The following DPH6 variants were observed in gnomAD, a reference collection of about 807,000 sequenced individuals.
The protein encoded by DPH6 is diphthamine biosynthesis 6.
A neutral mutation model predicts 38.2 loss-of-function variants in DPH6; 33 were observed. The ratio of observed to expected loss-of-function variants is 0.86; its 90% CI spans 0.65 to 1.15. The LOEUF (loss-of-function observed/expected upper bound fraction) is 1.15. Among genes scored for constraint, DPH6 ranks in the 50% most tolerant of loss-of-function variants. The probability of loss-of-function intolerance (pLI) is 0.00; values close to 1 mark genes in which losing one functional copy is unlikely to be tolerated. For missense variants in DPH6, 325 were observed against 320.0 expected, an observed-to-expected ratio of 1.02 and a Z score of -0.12; for synonymous variants, 108 against 103.0, an observed-to-expected ratio of 1.05 and a Z score of -0.30.
chr15:35,419,056 A>AACACACAC (rs1322020569), intron 5 of DPH6, among the ~76,000 whole-genome samples: 50 of 111,304 alleles, frequency 4.5e-4, no homozygotes, highest in African/African-American at 2.0e-3. Flanking sequence ...TTCAAACTAA[A>AACACACAC]ACACACACAC....
rs1288202668 is a variant in DPH6, at chr15:35,240,422, C to G, written n.201-19840G>C. 2.1e-5 allele frequency among the ~76,000 whole-genome samples: 3 copies of G among 142,272 alleles called. 1 individual carries two copies. The highest frequency in any genetic ancestry group is 1.5e-5 in the Non-Finnish European group (1 of 65,134). The allele number at this position is 142,272 out of a possible 152,430, so 93.3% of individuals were successfully genotyped here. A position where few individuals can be genotyped will look rare whatever the true frequency, so the allele number is the denominator to read the frequency against. ...GCATCACTGAGTCTTTCTAATCTTC[C>G]TTTTCTACAGACCCATCTGATCTCT... is the stretch of plus-strand genomic sequence containing the variant. On this transcript the variant is annotated intron_variant and non_coding_transcript_variant, in intron 3 of 3. Transcript: ENST00000560386.
chr15:35,270,714 T>C (rs968918960), intron 3 of DPH6, among the ~76,000 whole-genome samples: 2 of 152,234 alleles, frequency 1.3e-5, no homozygotes, highest in Non-Finnish European at 2.9e-5. Context: ...CTTGTGTTTG[T>C]AGGGAATGAC....
At chr15:35,430,464 G>A (rs1490127706) in intron 5 of DPH6, among the ~76,000 whole-genome samples, 1 of 149,074 alleles carries the variant, frequency 6.7e-6, no homozygotes, top group African/African-American at 2.5e-5. Flanking sequence ...CATTAAATTT[G>A]CTTACATCTA....
the DPH6 span, among the ~76,000 whole-genome samples, chr15:35,175,980 T>C: frequency 0.23 from 35,304 of 152,124 alleles, 4,874 homozygotes; most frequent in East Asian, 0.68. Context: ...AGACATGTTC[T>C]CTTTGTCTGA....
the DPH6 span, among the ~76,000 whole-genome samples, chr15:35,158,419 A>G: frequency 2.0e-5 from 3 of 152,094 alleles, no homozygotes; most frequent in African/African-American, 7.2e-5. Flanking sequence ...AATATGATTC[A>G]TTTTAAACAA....
At chr15:35,445,137 T>C (rs2053835711) in intron 5 of DPH6, among the ~76,000 whole-genome samples, 1 of 152,210 alleles carries the variant, frequency 6.6e-6, no homozygotes, top group Admixed American at 6.5e-5. Context: ...GTAACATTTA[T>C]TCATTACATT....
intron 3 of DPH6, among the ~76,000 whole-genome samples, chr15:35,233,360 T>A (rs1277294055): frequency 6.6e-6 from 1 of 151,954 alleles, no homozygotes; most frequent in Non-Finnish European, 1.5e-5. Context: ...CATAAAACAA[T>A]CTCCATTGTA....
chr15:35,179,868 T>C, the DPH6 span, among the ~76,000 whole-genome samples: 1 of 152,200 alleles, frequency 6.6e-6, no homozygotes, highest in Non-Finnish European at 1.5e-5. Flanking sequence ...AGAAGTCTAA[T>C]AGAGATTTTC....
chr15:35,469,012 G>A (rs1035571896), intron 3 of DPH6, among the ~76,000 whole-genome samples: 1 of 152,006 alleles, frequency 6.6e-6, no homozygotes, highest in African/African-American at 2.4e-5. Flanking sequence ...AGGTTGCAGT[G>A]AGCCAAGACC....
chr15:35,509,604 A>T lies in DPH6; in HGVS notation c.312+28670T>A, dbSNP rs2054740466. ...TAAGCTTTTTAAATGTAGGCTGACT[A>T]AAGAAAGGGCAATCTGTATTTATTG... On this transcript the variant is annotated intron_variant, in intron 3 of 8. Coordinates refer to ENST00000256538, the MANE Select transcript of DPH6 (RefSeq NM_080650.4). Among the ~76,000 whole-genome samples the T allele has an allele frequency of 2.0e-5, 3 of 152,208 alleles. No homozygotes were observed. In the South Asian group the frequency reaches 6.2e-4, roughly 31 times the overall value.
chr15:35,472,466 T>G (rs1440742267), intron 3 of DPH6, among the ~76,000 whole-genome samples: 1 of 152,096 alleles, frequency 6.6e-6, no homozygotes, highest in Non-Finnish European at 1.5e-5. Flanking sequence ...TTCCCTTCCT[T>G]GTGCCCTCCA....
chr15:35,310,022 C>T lies in DPH6; in HGVS notation n.200+63499G>A, dbSNP rs190950236. ...AAAACTTTTTTTTCCCCCTGTGTCA[C>T]AGTAGTTTTAGAGCAGTGACTCAAA... is the stretch of plus-strand genomic sequence containing the variant. On this transcript the variant is annotated intron_variant and non_coding_transcript_variant, in intron 3 of 3. Transcript: ENST00000560386. Among the ~76,000 whole-genome samples the T allele has an allele frequency of 1.8e-4, 27 of 152,184 alleles. No homozygotes were observed. In the East Asian group the frequency reaches 5.2e-3, roughly 29 times the overall value.
At chr15:35,528,809 T>C (rs2055043969) in intron 3 of DPH6, among the ~76,000 whole-genome samples, 1 of 152,240 alleles carries the variant, frequency 6.6e-6, no homozygotes, top group South Asian at 2.1e-4. Context: ...TATTATATTC[T>C]AGGCTCTTGC....
chr15:35,469,552 C>T (rs974097019), intron 3 of DPH6, among the ~76,000 whole-genome samples: 4 of 152,010 alleles, frequency 2.6e-5, no homozygotes, highest in African/African-American at 7.2e-5. Context: ...GTTATATGGC[C>T]GAGAAAGGAA....
chr15:35,401,526 T>G, intron 6 of DPH6: 2 of 771,740 alleles, frequency 2.6e-6, no homozygotes, highest in South Asian at 2.7e-5. Context: ...GCTATAACAA[T>G]GGAGGCAGAG....
chr15:35,252,679 TA>T (rs2051682729), intron 3 of DPH6, among the ~76,000 whole-genome samples: 1 of 152,254 alleles, frequency 6.6e-6, no homozygotes, highest in South Asian at 2.1e-4. Context: ...AAATAGGTCA[TA>T]AGGTCTATGG....
chr15:35,203,610 G>A, the DPH6 span, among the ~76,000 whole-genome samples: 1 of 151,604 alleles, frequency 6.6e-6, no homozygotes, highest in African/African-American at 2.4e-5. Flanking sequence ...CCAAATAAAT[G>A]TCATAAACCT....
At chr15:35,335,758 C>G (rs1446513473) in intron 3 of DPH6, among the ~76,000 whole-genome samples, 1 of 152,150 alleles carries the variant, frequency 6.6e-6, no homozygotes, top group Non-Finnish European at 1.5e-5. Context: ...TGTTCTTGTA[C>G]CAGTCCCATG....
chr15:35,158,391 T>C, the DPH6 span, among the ~76,000 whole-genome samples: 8 of 152,128 alleles, frequency 5.3e-5, no homozygotes, highest in African/African-American at 9.6e-5. Context: ...TAGGGAATTA[T>C]ATGCACTCAC....
Sources: gnomAD v4.1 joint callset for allele counts (sites outside exome capture counted in the v4.1 genomes callset) on GRCh38, gnomAD v4.1.1 for gene constraint, MANE v1.5 for transcripts, NCBI Gene and HGNC (gene_info 2026-07-23, HGNC 2026-07-21) for gene names.